Variants in LRMDA observed in about 807,000 individuals in gnomAD.
The protein encoded by LRMDA is leucine-rich melanocyte differentiation-associated protein.
LRMDA carries 18 observed loss-of-function variants against 29.8 expected under a neutral mutation model. The observed-to-expected ratio is 0.60, with a 90% CI of 0.42 to 0.90. The LOEUF is 0.90. Ranked by LOEUF, LRMDA falls within the 40% of genes least tolerant of loss-of-function variation. The pLI is 0.00. For synonymous variants in LRMDA, 125 were observed against 109.4 expected, an observed-to-expected ratio of 1.14 and a Z score of -0.89; for missense variants, 273 against 273.9, an observed-to-expected ratio of 1.00 and a Z score of 0.02.
At chr10:75,844,576 C>T (rs2132304150) in intron 2 of LRMDA, among the ~76,000 whole-genome samples, 1 of 152,312 alleles carries the variant, frequency 6.6e-6, no homozygotes, top group Middle Eastern at 3.4e-3. Context: ...AACACAGGCA[C>T]AGTGCCTTGA....
chr10:76,518,802 A>G (rs1843090226), intron 6 of LRMDA, among the ~76,000 whole-genome samples: 1 of 152,160 alleles, frequency 6.6e-6, no homozygotes, highest in Non-Finnish European at 1.5e-5. Flanking sequence ...AAAAAGATAT[A>G]AGAGATGAAT....
intron 5 of LRMDA, among the ~76,000 whole-genome samples, chr10:76,309,517 A>G (rs1417927287): frequency 6.6e-6 from 1 of 152,194 alleles, no homozygotes; most frequent in Non-Finnish European, 1.5e-5. Flanking sequence ...GGCATTTAGG[A>G]TATTAAAGCG....
chr10:75,941,780 C>G (rs989589085), intron 2 of LRMDA, among the ~76,000 whole-genome samples: 1 of 152,162 alleles, frequency 6.6e-6, no homozygotes, highest in African/African-American at 2.4e-5. Flanking sequence ...GCCATGTGGA[C>G]AGTATCCAGG....
chr10:76,100,789 G>C (rs1288285851), intron 5 of LRMDA, among the ~76,000 whole-genome samples: 1 of 152,092 alleles, frequency 6.6e-6, no homozygotes, highest in East Asian at 1.9e-4. Context: ...CTTTCCATTA[G>C]TAGCATCTGC....
chr10:76,091,763 G>A lies in LRMDA; in HGVS notation c.516+32980G>A, dbSNP rs1849235627. Among the ~76,000 whole-genome samples the A allele has an allele frequency of 1.3e-5, 2 of 152,050 alleles. 1 individual carries two copies. Among genetic ancestry groups the A allele is most frequent in the South Asian group, 4.1e-4 (2 of 4,830 alleles). On this transcript the variant is annotated intron_variant, in intron 5 of 6. Transcript: ENST00000611255. ...AGTACAGTGGTGATCATGGTTCATT[G>A]TAACCTCAAACTCCTGGGCTCAGTT... is the stretch of plus-strand genomic sequence containing the variant.
At chr10:75,751,419 C>T (rs961330302) in intron 2 of LRMDA, among the ~76,000 whole-genome samples, 12 of 152,110 alleles carry the variant, frequency 7.9e-5, no homozygotes, top group African/African-American at 2.9e-4. Flanking sequence ...TGCTTTTAAC[C>T]TACTGAGTCT....
At chr10:76,104,444 G>A (rs1022721439) in intron 5 of LRMDA, among the ~76,000 whole-genome samples, 1 of 152,040 alleles carries the variant, frequency 6.6e-6, no homozygotes, top group East Asian at 1.9e-4. Context: ...CTGCAACTTT[G>A]TGGTTCTGGC....
chr10:75,744,168 A>G (rs1429251365), intron 2 of LRMDA, among the ~76,000 whole-genome samples: 1 of 152,216 alleles, frequency 6.6e-6, no homozygotes, highest in Non-Finnish European at 1.5e-5. Flanking sequence ...TTTGAGTAGC[A>G]CTAGAGTAAA....
intron 2 of LRMDA, among the ~76,000 whole-genome samples, chr10:75,719,910 G>A (rs1842545437): frequency 6.6e-6 from 1 of 152,188 alleles, no homozygotes; most frequent in Admixed American, 6.5e-5. Flanking sequence ...TTCCCTGGAT[G>A]TTTTAATGTT....
chr10:75,692,245 T>TATATATATATATATATATATAC (rs1564541601), intron 2 of LRMDA, among the ~76,000 whole-genome samples: 1 of 127,774 alleles, frequency 7.8e-6, no homozygotes, highest in African/African-American at 2.8e-5. Flanking sequence ...TATATATATA[T>TATATATATATATATATATATAC]ATACATATAT....
intron 5 of LRMDA, chr10:76,270,632 A>G (rs893517737): frequency 2.0e-5 from 3 of 151,968 alleles, no homozygotes; most frequent in Admixed American, 6.6e-5. Context: ...TTCTGCTTTG[A>G]CTCGAGTCTT....
At chr10:76,518,398 G>A (rs1323819571) in intron 6 of LRMDA, among the ~76,000 whole-genome samples, 1 of 151,806 alleles carries the variant, frequency 6.6e-6, no homozygotes, top group African/African-American at 2.4e-5. Context: ...AAGTATTACT[G>A]GGGACGAAGA....
rs116400443 is a variant in LRMDA, at chr10:76,054,742, C to T, written c.399-3924C>T. 2.9e-3 allele frequency among the ~76,000 whole-genome samples: 441 copies of T among 150,848 alleles called. 1 individual carries two copies. The highest frequency in any genetic ancestry group is 9.2e-3 in the African/African-American group (376 of 41,008). On this transcript the variant is annotated intron_variant, in intron 4 of 6. Transcript: ENST00000611255. ...AGACTTTTCTGCTACAAGCAGAAGA[C>T]GGAAGTTTTCTCTGACATTGACTGA...
chr10:75,782,054 T>C (rs1413709672), intron 2 of LRMDA, among the ~76,000 whole-genome samples: 1 of 152,224 alleles, frequency 6.6e-6, no homozygotes, highest in East Asian at 1.9e-4. Flanking sequence ...TTGTGAAGCA[T>C]GTGAGAACCA....
At position 75,525,658 on chromosome 10, in the gene LRMDA, T is replaced by C. The variant is rs144732929; in HGVS notation, c.131+87164T>C. 2.4e-3 allele frequency among the ~76,000 whole-genome samples: 366 copies of C among 151,446 alleles called. 2 individuals are homozygous for C. The highest frequency in any genetic ancestry group is 3.4e-3 in the Non-Finnish European group (232 of 67,820). On this transcript the variant is annotated intron_variant, in intron 2 of 6. Coordinates refer to ENST00000611255, the MANE Select transcript of LRMDA (RefSeq NM_001305581.2). Reference sequence around the variant, plus strand: ...TTTACAACCTCATTCCAGACCACTTTTTAAAAATAATATAGTTCATTACAA... The same window carrying C: ...TTTACAACCTCATTCCAGACCACTTCTTAAAAATAATATAGTTCATTACAA...
intron 2 of LRMDA, among the ~76,000 whole-genome samples, chr10:75,958,010 T>C (rs533301557): frequency 6.6e-6 from 1 of 152,294 alleles, no homozygotes; most frequent in South Asian, 2.1e-4. Flanking sequence ...TATGGGCTTG[T>C]GCAGAGGGCA....
intron 3 of LRMDA, among the ~76,000 whole-genome samples, chr10:76,046,517 G>A (rs561139892): frequency 6.1e-4 from 93 of 152,018 alleles, no homozygotes; most frequent in African/African-American, 2.2e-3. Flanking sequence ...TTTCTTTTGA[G>A]ACAGAGTCTC....
chr10:75,536,510 T>A (rs980830895), intron 2 of LRMDA, among the ~76,000 whole-genome samples: 10 of 152,152 alleles, frequency 6.6e-5, no homozygotes, highest in African/African-American at 2.4e-4. Context: ...AGTTGAGGGC[T>A]CATCACACCT....
In LRMDA at chr10:75,456,693, T is replaced by C. The variant is rs374131855; in HGVS notation, c.131+18199T>C. The stretch of plus-strand genomic sequence containing the variant: ...ATTTTATTTTATTTTATTTTGTTTT[T>C]TGAAAAAGAGCTTGCTCTTTCGCCC... On this transcript the variant is annotated intron_variant, in intron 2 of 6. Coordinates refer to ENST00000611255, the MANE Select transcript of LRMDA (RefSeq NM_001305581.2). Among the ~76,000 whole-genome samples the C allele has an allele frequency of 9.4e-4, 143 of 152,300 alleles. 1 individual carries two copies. The highest frequency in any genetic ancestry group is 3.2e-3 in the African/African-American group (135 of 41,564).
Sources: allele counts gnomAD v4.1 joint callset (sites outside exome capture counted in the v4.1 genomes callset), GRCh38; gene constraint gnomAD v4.1.1; transcripts MANE v1.5; gene names NCBI Gene and HGNC (gene_info 2026-07-23, HGNC 2026-07-21).